ECSCR: variants seen among roughly 807,000 people sequenced by gnomAD.
ECSCR encodes endothelial cell surface expressed chemotaxis and apoptosis regulator, also known as endothelial cell-specific chemotaxis regulator.
ECSCR carries 12 observed loss-of-function variants against 16.7 expected under a neutral mutation model. The observed-to-expected ratio is 0.72, with a 90% CI of 0.46 to 1.17. ECSCR has a LOEUF of 1.17. ECSCR is among the 50% of genes most tolerant of loss of function. The pLI is 0.00. For synonymous variants in ECSCR, 44 were observed against 42.2 expected, an observed-to-expected ratio of 1.04 and a Z score of -0.17; for missense variants, 122 against 116.1, an observed-to-expected ratio of 1.05 and a Z score of -0.23.
At chr5:139,452,317 ATAGTATGGGGTGTGTGTGTGTGATATGT>A (rs1751077749) in intron 8 of ECSCR, among the ~76,000 whole-genome samples, 1 of 126,446 alleles carries the variant, frequency 7.9e-6, no homozygotes, top group South Asian at 2.7e-4. Flanking sequence ...GTGTGTGTGT[ATAGTATGGGGTGTGTGTGTGTGATATGT>A]GTGTGGGGTG....
chr5:139,462,611 T>C lies in ECSCR; in HGVS notation c.60A>G (p.Arg20=). 1 of 1,596,210 alleles carries C rather than the reference T, an allele frequency of 6.3e-7. No individual in the cohort carries two copies. The highest frequency in any genetic ancestry group is 8.5e-7 in the Non-Finnish European group (1 of 1,171,870). The change falls in exon 1 of 10, where the codon CGA becomes CGG. Residue 20 remains arginine (R), a splice_region_variant and synonymous_variant. Transcript: ENST00000618155. Reference sequence around the variant, plus strand: ...GGGAAAGCGGCAGGCACCTCTTACCTCGGAACAGGAGGAAGCCCAGGATCA... The same window carrying C: ...GGGAAAGCGGCAGGCACCTCTTACCCCGGAACAGGAGGAAGCCCAGGATCA... The part of the protein sequence containing the change: ...CWVILGFLLF[R]GHNSQPTMTQ...
chr5:139,455,894 C>T (rs980296565), intron 5 of ECSCR, among the ~76,000 whole-genome samples: 7 of 147,734 alleles, frequency 4.7e-5, no homozygotes, highest in Non-Finnish European at 8.9e-5. Flanking sequence ...GAGGCCGAGG[C>T]GGGCAGATCA....
chr5:139,461,878 G>T (rs1186662344), intron 1 of ECSCR, among the ~76,000 whole-genome samples: 1 of 152,162 alleles, frequency 6.6e-6, no homozygotes, highest in Non-Finnish European at 1.5e-5. Flanking sequence ...TCAAAGGGAA[G>T]TTGCTGCCCT....
Position 139,454,585 on chromosome 5 carries a change from T to A in ECSCR, c.512+17A>T, listed in dbSNP as rs1354082339. 5.0e-6 allele frequency: 2 copies of A among 397,972 alleles called. No individual in the cohort carries two copies. The highest frequency in any genetic ancestry group is 4.1e-5 in the African/African-American group (2 of 48,380). 24.7% of individuals were successfully genotyped at this position (397,972 alleles called of 1,614,324 possible). A position where few individuals can be genotyped will look rare whatever the true frequency, so the allele number is the denominator to read the frequency against. ...GGGGTCTGGGTGTCAGATAGAAGAT[T>A]TTTCTGACGGTCTTACCTTTCAGAC... On this transcript the variant is annotated intron_variant, in intron 8 of 9. Transcript: ENST00000618155.
intron 1 of ECSCR, among the ~76,000 whole-genome samples, 196 bp from the exon 2 acceptor site, chr5:139,458,379 A>G (rs1303241121): frequency 6.8e-6 from 1 of 146,984 alleles, no homozygotes; most frequent in African/African-American, 2.5e-5. Context: ...CTGGAGTCCT[A>G]GCTACTCAGG....
chr5:139,458,067 C>T, intron 2 of ECSCR, 72 bp downstream of exon 2: 2 of 1,477,200 alleles, frequency 1.4e-6, no homozygotes, highest in Non-Finnish European at 1.8e-6. Flanking sequence ...GCTAAATTGG[C>T]ATAGAGCTCC....
At chr5:139,459,756 C>T (rs1751249472) in intron 1 of ECSCR, among the ~76,000 whole-genome samples, 1 of 152,230 alleles carries the variant, frequency 6.6e-6, no homozygotes, top group African/African-American at 2.4e-5. Flanking sequence ...GGGGAGCATT[C>T]AGCCCAGGCC....
intron 5 of ECSCR, among the ~76,000 whole-genome samples, chr5:139,455,747 T>C (rs1437271017): frequency 7.4e-6 from 1 of 135,270 alleles, no homozygotes; most frequent in African/African-American, 2.8e-5. Context: ...GAGGCCAAGA[T>C]GGGTGGATCA....
chr5:139,454,727 G>A (rs1174257402), intron 7 of ECSCR, 89 bp from the exon 8 acceptor site: 6 of 398,382 alleles, frequency 1.5e-5, no homozygotes, highest in South Asian at 1.3e-4. Flanking sequence ...GGGACCCTCC[G>A]GCTCATGGAG....
chr5:139,460,402 T>C (rs1207881723), intron 1 of ECSCR, among the ~76,000 whole-genome samples: 4 of 152,198 alleles, frequency 2.6e-5, no homozygotes, highest in Admixed American at 6.5e-5. Flanking sequence ...TCCTAAATGC[T>C]GGGATCACAG....
intron 5 of ECSCR, 148 bp downstream of exon 5, chr5:139,456,326 A>G (rs1477434776): frequency 2.6e-6 from 1 of 384,880 alleles, no homozygotes; most frequent in Non-Finnish European, 4.6e-6. Context: ...TTCAGGCCCA[A>G]TTGCTGTTCC....
chr5:139,455,481 C>A (rs1350605836), intron 5 of ECSCR, 45 bp from the exon 6 acceptor site: 3 of 397,148 alleles, frequency 7.6e-6, no homozygotes, highest in African/African-American at 2.1e-5. Flanking sequence ...GGGACTGACA[C>A]AGGGAAGCTA....
chr5:139,455,571 T>A, intron 5 of ECSCR, 135 bp from the exon 6 acceptor site: 1 of 381,762 alleles, frequency 2.6e-6, no homozygotes. Flanking sequence ...CTGGGCAAAA[T>A]AGAGCTGTCT....
chr5:139,455,184 T>TCCCACAAGGGTCTTCCCTGCCCCCTC (rs1184179768), intron 6 of ECSCR, 139 bp downstream of exon 6: 1 of 397,010 alleles, frequency 2.5e-6, no homozygotes, highest in Non-Finnish European at 4.4e-6. Context: ...GGGGCCCCCC[T>TCCCACAAGGGTCTTCCCTGCCCCCTC]CCACAAGGGT....
intron 5 of ECSCR, 73 bp from the exon 6 acceptor site, chr5:139,455,509 G>C (rs987075738): frequency 6.3e-5 from 25 of 394,040 alleles, no homozygotes; most frequent in Admixed American, 2.2e-4. Context: ...CTTCCCTCCC[G>C]CTTCCCCCTA....
chr5:139,462,099 AC>A (rs1751318645), intron 1 of ECSCR, among the ~76,000 whole-genome samples: 1 of 152,166 alleles, frequency 6.6e-6, no homozygotes, highest in Admixed American at 6.6e-5. Context: ...TTTGTGTCTA[AC>A]CTGAGTCCCT....
At position 139,457,594 on chromosome 5, in the gene ECSCR, AG is replaced by A; in HGVS notation, c.167del (p.Pro56LeufsTer45). The stretch of plus-strand genomic sequence containing the variant: ...GGCTTGGCCTGTTAGCCTCTGAGGA[AG>A]GGATGTATCCTGCAAGGACAGAGGC... ...EPVSSNPGYI[P>X]SSEANRPSHL... On this transcript the variant is annotated frameshift_variant, in exon 4 of 10. Coordinates refer to ENST00000618155, the MANE Select transcript of ECSCR (RefSeq NM_001077693.4). The A allele has an allele frequency of 1.2e-6, 1 of 842,116 alleles. No homozygotes were observed. The highest frequency in any genetic ancestry group is 2.1e-6 in the Non-Finnish European group (1 of 474,042). The allele number at this position is 842,116 out of a possible 1,614,324, so 52.2% of individuals were successfully genotyped here. A position where few individuals can be genotyped will look rare whatever the true frequency, so the allele number is the denominator to read the frequency against.
chr5:139,451,109 G>C (rs1158519073), intron 8 of ECSCR, among the ~76,000 whole-genome samples: 1 of 151,384 alleles, frequency 6.6e-6, no homozygotes, highest in Non-Finnish European at 1.5e-5. Context: ...GGTGTGAGGG[G>C]TGTATATGTG....
At chr5:139,454,788 CA>C (rs1751121552) in intron 7 of ECSCR, 36 bp downstream of exon 7, 4 of 398,398 alleles carry the variant, frequency 1.0e-5, no homozygotes. Context: ...GGTCCGCCAG[CA>C]GAGGGGAAAA....
Sources: gnomAD v4.1 joint callset for allele counts (sites outside exome capture counted in the v4.1 genomes callset) on GRCh38, gnomAD v4.1.1 for gene constraint, MANE v1.5 for transcripts, NCBI Gene and HGNC (gene_info 2026-07-23, HGNC 2026-07-21) for gene names.